The following POFUT2 variants were observed in gnomAD, a reference collection of about 807,000 sequenced individuals.
POFUT2 encodes GDP-fucose protein O-fucosyltransferase 2.
POFUT2 carries 30 observed loss-of-function variants against 55.0 expected under a neutral mutation model. The observed-to-expected ratio is 0.55, with a 90% CI of 0.41 to 0.74. POFUT2 has a LOEUF of 0.74. Ranked by LOEUF, POFUT2 falls within the 30% of genes least tolerant of loss-of-function variation. POFUT2 has a pLI of 0.00. For synonymous variants in POFUT2, 267 were observed against 231.1 expected, an observed-to-expected ratio of 1.16 and a Z score of -1.41; for missense variants, 524 against 562.6, an observed-to-expected ratio of 0.93 and a Z score of 0.69.
rs1464213201 is a variant in POFUT2 at position 45,281,113 on chromosome 21, G to A, written c.638+1236C>T. Among the ~76,000 whole-genome samples, 1 of 152,104 alleles carries A rather than the reference G, an allele frequency of 6.6e-6. No individual in the cohort carries two copies. Among genetic ancestry groups the A allele is most frequent in the Non-Finnish European group, 1.5e-5 (1 of 68,014 alleles). ...AGACTTTCCCTGGGTGCTGGGGGCA[G>A]ATGACCTCACCGCCCATCATCAGCC... On this transcript the variant is annotated intron_variant, in intron 4 of 8. Transcript: ENST00000349485. This position sits in a 1 kb window ranked among gnomAD's most constrained non-coding sequence, Gnocchi z 5.0.
intron 1 of POFUT2, among the ~76,000 whole-genome samples, chr21:45,287,003 G>C (rs548491350): frequency 2.0e-5 from 3 of 152,210 alleles, no homozygotes; most frequent in African/African-American, 7.2e-5. Context: ...AGGGGCCTCC[G>C]GAGCCAGCCC....
At chr21:45,276,747 T>A (rs1396090628) in intron 6 of POFUT2, among the ~76,000 whole-genome samples, 1 of 152,154 alleles carries the variant, frequency 6.6e-6, no homozygotes, top group African/African-American at 2.4e-5. Flanking sequence ...AGAACACCTT[T>A]GAGTCCGCTG....
rs1243068514 is a variant in POFUT2, at chr21:45,268,912, G to A, written c.1012+927C>T. ...GCCGCCCCGTCCGGGAGGGAGGTGGGGGGGTCAGCCCCCCGCCTGGCCAGC... is the reference window on the plus strand; with the variant it reads ...GCCGCCCCGTCCGGGAGGGAGGTGGAGGGGTCAGCCCCCCGCCTGGCCAGC... On this transcript the variant is annotated intron_variant, in intron 7 of 8. Transcript: ENST00000349485. Among the ~76,000 whole-genome samples, 81 of 103,550 alleles carry A rather than the reference G, an allele frequency of 7.8e-4. 10 individuals carry two copies. Among genetic ancestry groups the A allele is most frequent in the African/African-American group, 3.2e-3 (79 of 24,936 alleles). The allele number at this position is 103,550 out of a possible 152,430, so 67.9% of individuals were successfully genotyped here. A position where few individuals can be genotyped will look rare whatever the true frequency, so the allele number is the denominator to read the frequency against.
At position 45,282,984 on chromosome 21, in the gene POFUT2, C is replaced by A. The variant is rs763161443; in HGVS notation, c.527+399G>T. ...ATGAAAAGACACAGGGAAAGAGGCA[C>A]GGGGTCTCAGCCAGATGTTCATCAC... On this transcript the variant is annotated intron_variant, in intron 3 of 8. Coordinates refer to ENST00000349485, the MANE Select transcript of POFUT2 (RefSeq NM_133635.6). The surrounding 1 kb of genome is among the most constrained non-coding windows in gnomAD (Gnocchi z 4.6). 15 of 465,286 alleles carry A rather than the reference C, an allele frequency of 3.2e-5. No individual in the cohort carries two copies. The highest frequency in any genetic ancestry group is 2.2e-4 in the South Asian group (14 of 63,906). 28.8% of individuals were successfully genotyped at this position (465,286 alleles called of 1,614,324 possible).
intron 8 of POFUT2, chr21:45,266,258 T>G: frequency 7.3e-7 from 1 of 1,367,540 alleles, no homozygotes; most frequent in Non-Finnish European, 9.8e-7. Flanking sequence ...CAGAGATGTT[T>G]CCAGAGCAAA....
In POFUT2 at chr21:45,281,974, G is replaced by GTGGGTGT. The variant is rs1190334122; in HGVS notation, c.638+368_638+374dup. Among the ~76,000 whole-genome samples, 1 of 152,098 alleles carries GTGGGTGT rather than the reference G, an allele frequency of 6.6e-6. No individual in the cohort carries two copies. The highest frequency in any genetic ancestry group is 2.4e-5 in the African/African-American group (1 of 41,414). ...CGTGAGGCAGAAAACAGATCAAACA[G>GTGGGTGT]TGGGTGTTGGGTGTGGGGAGGGGGG... On this transcript the variant is annotated intron_variant, in intron 4 of 8. Coordinates refer to ENST00000349485, the MANE Select transcript of POFUT2 (RefSeq NM_133635.6). The surrounding 1 kb of genome is among the most constrained non-coding windows in gnomAD (Gnocchi z 5.0).
rs1418103857 is a variant in POFUT2, at chr21:45,276,193, C to T, written c.831+824G>A. Among the ~76,000 whole-genome samples the T allele has an allele frequency of 3.5e-5, 5 of 144,710 alleles. No homozygotes were observed. In the East Asian group the frequency reaches 9.9e-4, roughly 29 times the overall value. 94.9% of individuals were successfully genotyped at this position (144,710 alleles called of 152,430 possible). Reference sequence around the variant, plus strand: ...GACAGAGTGAGACTCTGTCTCAAAACGAAAACAAAAACAAATTAATTAAAT... The same window carrying T: ...GACAGAGTGAGACTCTGTCTCAAAATGAAAACAAAAACAAATTAATTAAAT... On this transcript the variant is annotated intron_variant, in intron 6 of 8. Transcript: ENST00000349485.
rs2031340012 is a variant in POFUT2 at position 45,285,846 on chromosome 21, T to C, written c.214A>G (p.Thr72Ala). 3 of 1,613,180 alleles carry C rather than the reference T, an allele frequency of 1.9e-6. No homozygotes were observed. Among genetic ancestry groups the C allele is most frequent in the Non-Finnish European group, 2.5e-6 (3 of 1,179,936 alleles). The change falls in exon 2 of 9, where the codon ACT (threonine) becomes GCT (alanine). Residue 72 changes from threonine (T) to alanine (A), a missense_variant. This residue lies in a region of POFUT2 where 274 missense variants were observed against 244.4 expected (regional missense o/e 1.12). Transcript: ENST00000349485. The surrounding 1 kb of genome is among the most constrained non-coding windows in gnomAD (Gnocchi z 4.9). ...ACCCACTCCTCCGTCTTCAGCAGAGTCTTCAGGAGAGAGGCGATTCGGATA... is the reference window on the plus strand; with the variant it reads ...ACCCACTCCTCCGTCTTCAGCAGAGCCTTCAGGAGAGAGGCGATTCGGATA... ...VYIRIASLLK[T>A]LLKTEEWVLV...
intron 8 of POFUT2, chr21:45,266,231 C>T (rs1236867361): frequency 7.3e-6 from 10 of 1,367,606 alleles, no homozygotes; most frequent in East Asian, 4.5e-5. Flanking sequence ...TCATGAACTT[C>T]GTGAACAAGC....
At position 45,267,728 on chromosome 21, in the gene POFUT2, G is replaced by A. The variant is rs1278501573; in HGVS notation, c.1013-15C>T. On this transcript the variant is annotated splice_polypyrimidine_tract_variant and intron_variant, in intron 7 of 8. Transcript: ENST00000349485. This position sits in a 1 kb window ranked among gnomAD's most constrained non-coding sequence, Gnocchi z 4.4. ...CTCTTCATATTCTGCAAAGTAGAAGGAGAGACCCTTTGAACCGGGATCCTC... is the reference window on the plus strand; with the variant it reads ...CTCTTCATATTCTGCAAAGTAGAAGAAGAGACCCTTTGAACCGGGATCCTC... 2 of 1,611,444 alleles carry A rather than the reference G, an allele frequency of 1.2e-6. No homozygotes were observed. The highest frequency in any genetic ancestry group is 1.3e-5 in the African/African-American group (1 of 74,806).
At position 45,281,676 on chromosome 21, in the gene POFUT2, C is replaced by T. The variant is rs941195590; in HGVS notation, c.638+673G>A. 2.0e-5 allele frequency among the ~76,000 whole-genome samples: 3 copies of T among 152,052 alleles called. No homozygotes were observed. Among genetic ancestry groups the T allele is most frequent in the Non-Finnish European group, 4.4e-5 (3 of 68,018 alleles). ...AACGTGGGCAAGTGCGAGGGGCACC[C>T]GTGCCCTGCTATGCCTGGTCTATGG... On this transcript the variant is annotated intron_variant, in intron 4 of 8. Coordinates refer to ENST00000349485, the MANE Select transcript of POFUT2 (RefSeq NM_133635.6). This position sits in a 1 kb window ranked among gnomAD's most constrained non-coding sequence, Gnocchi z 5.0.
rs1416077857 is a variant in POFUT2, at chr21:45,265,941, C to T, written c.1137-306G>A. The T allele has an allele frequency of 7.9e-7, 1 of 1,269,444 alleles. No individual in the cohort carries two copies. The highest frequency in any genetic ancestry group is 4.0e-5 in the East Asian group (1 of 25,006). 78.6% of individuals were successfully genotyped at this position (1,269,444 alleles called of 1,614,324 possible). On this transcript the variant is annotated intron_variant, in intron 8 of 8. Coordinates refer to ENST00000349485, the MANE Select transcript of POFUT2 (RefSeq NM_133635.6). This position sits in a 1 kb window ranked among gnomAD's most constrained non-coding sequence, Gnocchi z 4.6. ...CCCTGGGAGCCCTCCTCTCCGTCAC[C>T]AAATCCCAGGCCAGGCACGCCAGTG...
At chr21:45,276,733 T>A (rs1042811638) in intron 6 of POFUT2, among the ~76,000 whole-genome samples, 1 of 152,084 alleles carries the variant, frequency 6.6e-6, no homozygotes, top group African/African-American at 2.4e-5. Context: ...CTTGCCGCGC[T>A]CTGAGAACAC....
chr21:45,287,799 C>T lies in POFUT2; in HGVS notation c.73G>A (p.Glu25Lys). 1 of 1,516,446 alleles carries T rather than the reference C, an allele frequency of 6.6e-7. No individual in the cohort carries two copies. Among genetic ancestry groups the T allele is most frequent in the South Asian group, 1.2e-5 (1 of 81,388 alleles). 93.9% of individuals were successfully genotyped at this position (1,516,446 alleles called of 1,614,324 possible). A position where few individuals can be genotyped will look rare whatever the true frequency, so the allele number is the denominator to read the frequency against. ...GCCGCCGATTGTCCGGGCCAGAACTCCTGGCCGGAGGCAGAAGCCGGAGGC... is the reference window on the plus strand; with the variant it reads ...GCCGCCGATTGTCCGGGCCAGAACTTCTGGCCGGAGGCAGAAGCCGGAGGC... ...SWPPASASGQ[E>K]FWPGQSAADI... The change falls in exon 1 of 9, where the codon GAG (glutamate) becomes AAG (lysine). Residue 25 changes from glutamate to lysine, a missense_variant. Transcript: ENST00000349485.
Position 45,287,756 on chromosome 21 carries a change from G to A in POFUT2, c.116C>T (p.Ala39Val). The A allele has an allele frequency of 2.1e-6, 3 of 1,398,922 alleles. No individual in the cohort carries two copies. The highest frequency in any genetic ancestry group is 2.8e-6 in the Non-Finnish European group (3 of 1,060,298). 86.7% of individuals were successfully genotyped at this position (1,398,922 alleles called of 1,614,324 possible). A position where few individuals can be genotyped will look rare whatever the true frequency, so the allele number is the denominator to read the frequency against. The change falls in exon 1 of 9, where the codon GCG becomes GTG. Residue 39 changes from alanine (A) to valine (V), a missense_variant. Ala to Val is a moderately conservative substitution (Grantham distance 64). This residue lies in a region of POFUT2 where 274 missense variants were observed against 244.4 expected (regional missense o/e 1.12). Coordinates refer to ENST00000349485, the MANE Select transcript of POFUT2 (RefSeq NM_133635.6). Reference protein sequence around the residue: ...GQSAADILSGAASRRRYLLYD... With the variant: ...GQSAADILSGVASRRRYLLYD... ...GCGCGTTTACCGTCTGCGGGAAGCCGCCCCCGACAGAATATCGGCCGCCGA... is the reference window on the plus strand; with the variant it reads ...GCGCGTTTACCGTCTGCGGGAAGCCACCCCCGACAGAATATCGGCCGCCGA...
chr21:45,269,193 G>A (rs551984863), intron 7 of POFUT2, among the ~76,000 whole-genome samples: 2 of 150,030 alleles, frequency 1.3e-5, no homozygotes, highest in African/African-American at 2.4e-5. Flanking sequence ...CCGGCCAGCC[G>A]CCCCGTCCGG....
At chr21:45,273,496 G>C (rs574972093) in intron 6 of POFUT2, among the ~76,000 whole-genome samples, 2 of 152,280 alleles carry the variant, frequency 1.3e-5, no homozygotes, top group Non-Finnish European at 2.9e-5. Flanking sequence ...CCAAAAGACA[G>C]AGAAAGAGGG....
intron 4 of POFUT2, among the ~76,000 whole-genome samples, chr21:45,279,188 G>A (rs541743753): frequency 2.8e-5 from 4 of 144,060 alleles, no homozygotes; most frequent in Admixed American, 6.7e-5. Flanking sequence ...TCAGGAGATC[G>A]AGACCATCCT....
rs1205097786 is a variant in POFUT2 at position 45,277,691 on chromosome 21, G to A, written c.705+412C>T. On this transcript the variant is annotated intron_variant, in intron 5 of 8. Transcript: ENST00000349485. The surrounding 1 kb of genome is among the most constrained non-coding windows in gnomAD (Gnocchi z 6.9). Reference sequence around the variant, plus strand: ...CCCACTCACTCACAGAACCAGGGGTGGCTATGGGAAGTCACCCCATCAATG... The same window carrying A: ...CCCACTCACTCACAGAACCAGGGGTAGCTATGGGAAGTCACCCCATCAATG... 1 of 230,884 alleles carries A rather than the reference G, an allele frequency of 4.3e-6. No individual in the cohort carries two copies. Among genetic ancestry groups the A allele is most frequent in the Admixed American group, 5.2e-5 (1 of 19,386 alleles). The allele number at this position is 230,884 out of a possible 1,614,324, so 14.3% of individuals were successfully genotyped here.
Sources: allele counts gnomAD v4.1 joint callset (sites outside exome capture counted in the v4.1 genomes callset), GRCh38; gene constraint gnomAD v4.1.1; regional missense constraint gnomAD v4.1.1; non-coding constraint Gnocchi (gnomAD v3.1); transcripts MANE v1.5; gene names NCBI Gene and HGNC (gene_info 2026-07-23, HGNC 2026-07-21).